Variants in WDR77 observed in about 807,000 individuals in gnomAD.
The protein encoded by WDR77 is WD repeat domain 77, also known as methylosome protein WDR77.
A neutral mutation model predicts 44.0 loss-of-function variants in WDR77; 31 were observed. The ratio of observed to expected loss-of-function variants is 0.70; its 90% CI spans 0.53 to 0.95. The LOEUF (loss-of-function observed/expected upper bound fraction) is 0.95, where lower values mean the gene tolerates loss of function less well. Among genes scored for constraint, WDR77 ranks in the 40% least tolerant of loss-of-function variants. WDR77 has a pLI of 0.00. For missense variants in WDR77, 390 were observed against 423.9 expected (o/e 0.92, Z 0.70); for synonymous variants, 186 against 165.7 (o/e 1.12, Z -0.94).
In WDR77 at chr1:111,448,746, G is replaced by C; in HGVS notation, c.174C>G (p.Leu58=). The C allele has an allele frequency of 6.2e-7, 1 of 1,611,874 alleles. No homozygotes were observed. Among genetic ancestry groups the C allele is most frequent in the Non-Finnish European group, 8.5e-7 (1 of 1,178,932 alleles). The change falls in exon 2 of 10, where the codon CTC becomes CTG. Residue 58 remains leucine, a synonymous_variant. Transcript: ENST00000235090. ...SLSGRCWAGS[L]WLFKDPCAAP... is the part of the protein sequence containing the mutation. ...CGGCACAGGGGTCCTTAAAAAGCCA[G>C]AGGGAGCCGGCCCAGCAGCGCCCAC... is the stretch of plus-strand genomic sequence containing the variant.
At chr1:111,445,106 A>G (rs1464143387) in intron 4 of WDR77, among the ~76,000 whole-genome samples, 1 of 152,244 alleles carries the variant, frequency 6.6e-6, no homozygotes, top group Non-Finnish European at 1.5e-5. Context: ...AACTACTTAA[A>G]TAAGCATTTT....
chr1:111,441,400 GA>G lies in WDR77; in HGVS notation c.870-12del. ...GCTTGGCTTCTAAACCTAGAAGAAA[GA>G]AAAAAAGTCGGGGCAGAGTAGAGAC... On this transcript the variant is annotated splice_polypyrimidine_tract_variant and intron_variant, in intron 9 of 9. Transcript: ENST00000235090. 4 of 1,484,542 alleles carry G rather than the reference GA, an allele frequency of 2.7e-6. No homozygotes were observed. The highest frequency in any genetic ancestry group is 1.8e-6 in the Non-Finnish European group (2 of 1,111,466). The allele number at this position is 1,484,542 out of a possible 1,614,324, so 92.0% of individuals were successfully genotyped here.
chr1:111,447,355 T>G, intron 3 of WDR77, 80 bp downstream of exon 3: 1 of 1,584,206 alleles, frequency 6.3e-7, no homozygotes, highest in Non-Finnish European at 8.6e-7. Context: ...AAGCCCAAAA[T>G]GTTACCTAAT....
rs1652798350 is a variant in WDR77, at chr1:111,441,216, G to A, written c.*14C>T. 6.1e-6 allele frequency: 9 copies of A among 1,483,552 alleles called. No individual in the cohort carries two copies. Among genetic ancestry groups the A allele is most frequent in the African/African-American group, 1.4e-5 (1 of 70,260 alleles). 91.9% of individuals were successfully genotyped at this position (1,483,552 alleles called of 1,614,324 possible). ...GACACTCATGGGGGACTTGCTTTTT[G>A]TCTTAAATCCAATCTACTCAGTAAC... On this transcript the variant is annotated 3_prime_UTR_variant, in exon 10 of 10. Transcript: ENST00000235090.
chr1:111,446,422 G>C (rs1413406502), intron 4 of WDR77, among the ~76,000 whole-genome samples: 1 of 151,962 alleles, frequency 6.6e-6, no homozygotes, highest in African/African-American at 2.4e-5. Flanking sequence ...ATACTCAAAA[G>C]TTCAAGATTT....
In WDR77 at chr1:111,446,284, C is replaced by T. The variant is rs114071721; in HGVS notation, c.493+811G>A. Among the ~76,000 whole-genome samples the T allele has an allele frequency of 4.1e-3, 631 of 152,292 alleles. 3 individuals are homozygous for T. Among genetic ancestry groups the T allele is most frequent in the African/African-American group, 0.015 (606 of 41,552 alleles). On this transcript the variant is annotated intron_variant, in intron 4 of 9. Transcript: ENST00000235090. ...ACCATGTACACATTAAGGCTCTAGA[C>T]ATTATCTTCACAAAGAATGGCTCCC...
intron 8 of WDR77, 43 bp from the exon 9 acceptor site, chr1:111,442,136 C>T: frequency 6.3e-7 from 1 of 1,594,668 alleles, no homozygotes; most frequent in Admixed American, 1.7e-5. Flanking sequence ...CAGCCTGGAT[C>T]CCAAGACAAA....
At chr1:111,445,275 T>C (rs564964984) in intron 4 of WDR77, among the ~76,000 whole-genome samples, 1 of 152,366 alleles carries the variant, frequency 6.6e-6, no homozygotes, top group Non-Finnish European at 1.5e-5. Flanking sequence ...GTAGTCTGAA[T>C]GTGGCCCTTC....
Position 111,448,736 on chromosome 1 carries a change from T to C in WDR77, c.184A>G (p.Lys62Glu). 10 of 1,613,408 alleles carry C rather than the reference T, an allele frequency of 6.2e-6. No homozygotes were observed. Among genetic ancestry groups the C allele is most frequent in the Non-Finnish European group, 8.5e-6 (10 of 1,179,672 alleles). The change falls in exon 2 of 10, where the codon AAG (lysine) becomes GAG (glutamate). Residue 62 changes from lysine to glutamate, a missense_variant. By Grantham distance (56) the Lys-to-Glu change is moderately conservative (BLOSUM62 1). Transcript: ENST00000235090. The stretch of plus-strand genomic sequence containing the variant: ...TCGTTGGGGGCGGCACAGGGGTCCT[T>C]AAAAAGCCAGAGGGAGCCGGCCCAG... ...RCWAGSLWLFKDPCAAPNEGF... is the reference protein window; with the variant it reads ...RCWAGSLWLFEDPCAAPNEGF...
chr1:111,448,801 C>T lies in WDR77; in HGVS notation c.119G>A (p.Gly40Glu). The T allele has an allele frequency of 1.9e-6, 3 of 1,574,886 alleles. No homozygotes were observed. Among genetic ancestry groups the T allele is most frequent in the Non-Finnish European group, 2.6e-6 (3 of 1,159,496 alleles). ...GCTGGAGGCCCCGAGGAGAAGCGCC[C>T]CATCTACGGGGGGTACAAGCTGTCA... ...QLEAARYRSD[G>E]ALLLGASSLS... is the part of the protein sequence containing the mutation. The change falls in exon 2 of 10, where the codon GGG becomes GAG. Residue 40 changes from glycine to glutamate, a missense_variant. By Grantham distance (98) the Gly-to-Glu change is moderately conservative. Transcript: ENST00000235090.
intron 2 of WDR77, among the ~76,000 whole-genome samples, chr1:111,448,182 T>A (rs1653130146): frequency 7.3e-6 from 1 of 137,148 alleles, no homozygotes; most frequent in Non-Finnish European, 1.5e-5. Flanking sequence ...CAAATTCTGA[T>A]TTTAAAAAAA....
At chr1:111,442,570 C>T in intron 8 of WDR77, 83 bp downstream of exon 8, 1 of 929,762 alleles carries the variant, frequency 1.1e-6, no homozygotes, top group Non-Finnish European at 1.5e-6. Flanking sequence ...ACTACTTCAT[C>T]AGCTAATGCT....
At chr1:111,444,226 G>A (rs1652929636) in intron 4 of WDR77, 102 bp from the exon 5 acceptor site, 7 of 1,092,748 alleles carry the variant, frequency 6.4e-6, no homozygotes, top group South Asian at 1.4e-5. Context: ...GGGAGGGCTG[G>A]TCTCATGATG....
At position 111,449,101 on chromosome 1, in the gene WDR77, C is replaced by G. The variant is rs773781620; in HGVS notation, c.69G>C (p.Ala23=). ...CCAACTGCCGTTCCATGCAGGCGGG[C>G]GCATTTGGGGGAAGATTCCACTCCC... is the stretch of plus-strand genomic sequence containing the variant. ...AAREWNLPPN[A]PACMERQLEA... The change falls in exon 1 of 10, where the codon GCG becomes GCC. Residue 23 remains alanine, a synonymous_variant. Transcript: ENST00000235090. 6 of 1,602,950 alleles carry G rather than the reference C, an allele frequency of 3.7e-6. No homozygotes were observed. In the African/African-American group the frequency reaches 8.1e-5, roughly 22 times the overall value.
chr1:111,444,637 G>A (rs1362999409), intron 4 of WDR77, among the ~76,000 whole-genome samples: 4 of 152,036 alleles, frequency 2.6e-5, no homozygotes, highest in African/African-American at 9.7e-5. Flanking sequence ...ATCTTTCCAC[G>A]CTACAATGCT....
rs371409965 is a variant in WDR77 at position 111,448,725 on chromosome 1, A to G, written c.195T>C (p.Cys65=). The G allele has an allele frequency of 9.3e-6, 15 of 1,613,920 alleles. No individual in the cohort carries two copies. In the African/African-American group the frequency reaches 2.0e-4, roughly 22 times the overall value. ...AGSLWLFKDP[C]AAPNEGFCSA... ...AGCAGAAGCCTTCGTTGGGGGCGGC[A>G]CAGGGGTCCTTAAAAAGCCAGAGGG... Residue 65 remains cysteine, a synonymous_variant, in exon 2 of 10, where the codon TGT becomes TGC. Transcript: ENST00000235090.
At position 111,448,630 on chromosome 1, in the gene WDR77, G is replaced by A. The variant is rs752315838; in HGVS notation, c.290C>T (p.Ala97Val). The A allele has an allele frequency of 1.9e-5, 31 of 1,613,976 alleles. No individual in the cohort carries two copies. The highest frequency in any genetic ancestry group is 2.6e-5 in the Non-Finnish European group (31 of 1,180,020). The change falls in exon 2 of 10, where the codon GCC (alanine) becomes GTC (valine). Residue 97 changes from alanine to valine, a missense_variant. Ala to Val is a moderately conservative substitution (Grantham distance 64). Coordinates refer to ENST00000235090, the MANE Select transcript of WDR77 (RefSeq NM_024102.4). ...GGATAGTGACTCACCTGAATCGGAGGCCACTAGAATACCTCTCTCCCCAAC... is the reference window on the plus strand; with the variant it reads ...GGATAGTGACTCACCTGAATCGGAGACCACTAGAATACCTCTCTCCCCAAC... Reference protein sequence around the residue: ...TWVGERGILVASDSGAVELWE... With the variant: ...TWVGERGILVVSDSGAVELWE...
At chr1:111,448,983 G>A (rs777667040) in intron 1 of WDR77, 72 bp downstream of exon 1, 58 of 1,056,628 alleles carry the variant, frequency 5.5e-5, no homozygotes, top group Non-Finnish European at 7.8e-5. Flanking sequence ...GATGGGCTGG[G>A]AGGGTCAGTC....
intron 4 of WDR77, 52 bp downstream of exon 4, chr1:111,447,043 A>G: frequency 1.3e-6 from 2 of 1,599,612 alleles, no homozygotes; most frequent in South Asian, 2.2e-5. Flanking sequence ...AAGTTCAAAA[A>G]GTCCAAAAAC....
Sources: allele counts gnomAD v4.1 joint callset (sites outside exome capture counted in the v4.1 genomes callset), GRCh38; gene constraint gnomAD v4.1.1; transcripts MANE v1.5; gene names NCBI Gene and HGNC (gene_info 2026-07-23, HGNC 2026-07-21).